Variants in ARHGEF10 observed in about 807,000 individuals in gnomAD.
ARHGEF10 encodes Rho guanine nucleotide exchange factor 10.
A neutral mutation model predicts 147.4 loss-of-function variants in ARHGEF10; 140 were observed. The ratio of observed to expected loss-of-function variants is 0.95; its 90% CI spans 0.83 to 1.09. ARHGEF10 has a LOEUF of 1.09. ARHGEF10 is among the 50% of genes least tolerant of loss of function. The probability of loss-of-function intolerance (pLI) is 0.00; values close to 1 mark genes in which losing one functional copy is unlikely to be tolerated. For synonymous variants in ARHGEF10, 902 were observed against 695.8 expected (o/e 1.30, Z -4.67); for missense variants, 2,222 against 1,752.7 (o/e 1.27, Z -4.78).
At chr8:1,835,446 A>G (rs922374309) in intron 1 of ARHGEF10, among the ~76,000 whole-genome samples, 9 of 151,938 alleles carry the variant, frequency 5.9e-5, no homozygotes, top group African/African-American at 2.2e-4. Flanking sequence ...CTCCCGGCAC[A>G]GGCTTCAGCC....
In ARHGEF10 at chr8:1,893,602, G is replaced by A. The variant is rs745981150; in HGVS notation, c.1216G>A (p.Asp406Asn). ...VRRYILGSVV[D>N]SEKNYVDALK... ...AAGATATATACTGGGTTCAGTTGTC[G>A]ACAGTGAAAAGAACTACGTAGATGC... is the stretch of plus-strand genomic sequence containing the variant. The change falls in exon 12 of 29, where the codon GAC becomes AAC. Residue 406 changes from aspartate (D) to asparagine (N), a missense_variant. Coordinates refer to ENST00000349830, the MANE Select transcript of ARHGEF10 (RefSeq NM_014629.4). 10 of 1,613,722 alleles carry A rather than the reference G, an allele frequency of 6.2e-6. No individual in the cohort carries two copies. The highest frequency in any genetic ancestry group is 3.3e-5 in the South Asian group (3 of 91,072).
At chr8:1,858,214 G>GGGTCCCC in intron 3 of ARHGEF10, 99 bp downstream of exon 3, 9 of 1,128,738 alleles carry the variant, frequency 8.0e-6, no homozygotes, top group Non-Finnish European at 1.1e-5. Flanking sequence ...GTTCCCAGGT[G>GGGTCCCC]AGTCCCCAGG....
intron 21 of ARHGEF10, among the ~76,000 whole-genome samples, chr8:1,924,207 C>G (rs1812512231): frequency 6.6e-6 from 1 of 152,138 alleles, no homozygotes; most frequent in Non-Finnish European, 1.5e-5. Context: ...GGGCGGCGGC[C>G]TTCAAATGGC....
intron 17 of ARHGEF10, among the ~76,000 whole-genome samples, chr8:1,907,972 A>C (rs1383173223): frequency 6.6e-6 from 1 of 152,130 alleles, no homozygotes; most frequent in Non-Finnish European, 1.5e-5. Context: ...TTTGGTAAGA[A>C]CTCATGGGCA....
intron 25 of ARHGEF10, among the ~76,000 whole-genome samples, chr8:1,932,388 G>A (rs150709087): frequency 1.3e-4 from 20 of 152,198 alleles, no homozygotes; most frequent in Non-Finnish European, 4.4e-5. Flanking sequence ...ATGTGCAGAC[G>A]TGTGTGTCCC....
At chr8:1,922,093 C>T (rs1037414645) in intron 18 of ARHGEF10, among the ~76,000 whole-genome samples, 2 of 152,118 alleles carry the variant, frequency 1.3e-5, no homozygotes, top group Admixed American at 6.6e-5. Context: ...AATCTGTCCT[C>T]TGAGCCTGTG....
rs373777200 is a variant in ARHGEF10, at chr8:1,897,628, C to T, written c.1558-805C>T. Among the ~76,000 whole-genome samples, 86 of 151,750 alleles carry T rather than the reference C, an allele frequency of 5.7e-4. 3 individuals carry two copies. In the East Asian group the frequency reaches 8.9e-3, roughly 16 times the overall value. On this transcript the variant is annotated intron_variant, in intron 14 of 28. Coordinates refer to ENST00000349830, the MANE Select transcript of ARHGEF10 (RefSeq NM_014629.4). The stretch of plus-strand genomic sequence containing the variant: ...AGTTGTGGGCTCTGTCCTAAGGCAT[C>T]GGATTGCAGTTCCCACTGTGGACAG...
At chr8:1,901,712 G>A (rs182600059) in intron 15 of ARHGEF10, among the ~76,000 whole-genome samples, 51 of 152,298 alleles carry the variant, frequency 3.3e-4, no homozygotes, top group Middle Eastern at 3.4e-3. Context: ...TCCATCGCAC[G>A]CCTAGTCCCC....
At chr8:1,839,300 C>G in intron 1 of ARHGEF10, among the ~76,000 whole-genome samples, 1 of 144,542 alleles carries the variant, frequency 6.9e-6, no homozygotes, top group South Asian at 2.3e-4. Context: ...TGGGTACTGT[C>G]CGGTGTGGGG....
chr8:1,856,139 T>C (rs1055356085), intron 2 of ARHGEF10, among the ~76,000 whole-genome samples: 3 of 152,156 alleles, frequency 2.0e-5, no homozygotes, highest in African/African-American at 7.2e-5. Context: ...GGGTGAGGCT[T>C]TGGTATCTGG....
chr8:1,957,223 C>A lies in ARHGEF10; in HGVS notation c.3995C>A (p.Pro1332Gln), dbSNP rs750728335. ...ARQPHQEELA[P>Q]TVMVWQIPLL... is the part of the protein sequence containing the mutation. ...CAGCCCCACCAGGAAGAGCTGGCGCCGACCGTCATGGTCTGGCAGATCCCT... is the reference window on the plus strand; with the variant it reads ...CAGCCCCACCAGGAAGAGCTGGCGCAGACCGTCATGGTCTGGCAGATCCCT... The change falls in exon 29 of 29, where the codon CCG becomes CAG. Residue 1332 changes from proline (P) to glutamine (Q), a missense_variant. Pro to Gln is a moderately conservative substitution (Grantham distance 76). Transcript: ENST00000349830. The A allele has an allele frequency of 6.2e-7, 1 of 1,611,828 alleles. No individual in the cohort carries two copies. Among genetic ancestry groups the A allele is most frequent in the South Asian group, 1.1e-5 (1 of 91,048 alleles).
chr8:1,921,785 G>T (rs1467621396), intron 18 of ARHGEF10, among the ~76,000 whole-genome samples: 1 of 152,044 alleles, frequency 6.6e-6, no homozygotes, highest in African/African-American at 2.4e-5. Flanking sequence ...CCACATCCGA[G>T]CCTGAGACCA....
Position 1,929,380 on chromosome 8 carries a change from A to C in ARHGEF10, c.3016A>C (p.Thr1006Pro). The C allele has an allele frequency of 6.2e-7, 1 of 1,613,622 alleles. No homozygotes were observed. Among genetic ancestry groups the C allele is most frequent in the Non-Finnish European group, 8.5e-7 (1 of 1,180,030 alleles). The change falls in exon 25 of 29, where the codon ACG (threonine) becomes CCG (proline). Residue 1006 changes from threonine to proline, a missense_variant. Transcript: ENST00000349830. ...GTCCACAGTCATGAGCCTGGCTTGCACGTCTCAGAGCCTGTACGCTGGCCT... is the reference window on the plus strand; with the variant it reads ...GTCCACAGTCATGAGCCTGGCTTGCCCGTCTCAGAGCCTGTACGCTGGCCT... Reference protein sequence around the residue: ...EKSTVMSLACTSQSLYAGLVN... With the variant: ...EKSTVMSLACPSQSLYAGLVN...
intron 26 of ARHGEF10, among the ~76,000 whole-genome samples, chr8:1,944,453 C>T (rs17830054): frequency 0.11 from 16,994 of 152,250 alleles, 1,192 homozygotes; most frequent in East Asian, 0.28. Flanking sequence ...AATTCCTGCC[C>T]GCCGGGTTCA....
chr8:1,853,310 A>G (rs1805288551), intron 2 of ARHGEF10, among the ~76,000 whole-genome samples: 1 of 152,122 alleles, frequency 6.6e-6, no homozygotes, highest in East Asian at 1.9e-4. Context: ...CTTCCCGCCC[A>G]CCTCCTGGGC....
chr8:1,845,237 G>A (rs1366532478), intron 2 of ARHGEF10, among the ~76,000 whole-genome samples: 2 of 152,230 alleles, frequency 1.3e-5, no homozygotes, highest in Admixed American at 6.5e-5. Context: ...GGCAGTGGGC[G>A]TCATCCTGTG....
intron 18 of ARHGEF10, among the ~76,000 whole-genome samples, chr8:1,917,200 G>T (rs922639286): frequency 6.6e-6 from 1 of 152,212 alleles, no homozygotes; most frequent in African/African-American, 2.4e-5. Context: ...TTAGACTCCT[G>T]ATGCATGTTT....
intron 6 of ARHGEF10, among the ~76,000 whole-genome samples, chr8:1,867,130 C>T (rs1402706931): frequency 6.6e-6 from 1 of 151,226 alleles, no homozygotes; most frequent in Non-Finnish European, 1.5e-5. Context: ...TGTTAATTTA[C>T]CTTTGGCAGA....
Position 1,903,434 on chromosome 8 carries a change from G to A in ARHGEF10, c.1804G>A (p.Glu602Lys), listed in dbSNP as rs556107310. 1.5e-5 allele frequency: 25 copies of A among 1,614,188 alleles called. No homozygotes were observed. The highest frequency in any genetic ancestry group is 2.2e-5 in the East Asian group (1 of 44,882). ...EVKQIAKAIN[E>K]RYLNKLLSSG... is the part of the protein sequence containing the mutation. ...GAAGCAAATAGCCAAAGCCATAAAC[G>A]AAAGATACCTGAACAAGGTTGAGAG... Residue 602 changes from glutamate to lysine, a missense_variant, in exon 16 of 29, where the codon GAA (glutamate) becomes AAA (lysine). Coordinates refer to ENST00000349830, the MANE Select transcript of ARHGEF10 (RefSeq NM_014629.4).
Sources: gnomAD v4.1 joint callset for allele counts (sites outside exome capture counted in the v4.1 genomes callset) on GRCh38, gnomAD v4.1.1 for gene constraint, MANE v1.5 for transcripts, NCBI Gene and HGNC (gene_info 2026-07-23, HGNC 2026-07-21) for gene names.